SESTD1: variants seen among roughly 807,000 people sequenced by gnomAD.
The protein encoded by SESTD1 is SEC14 and spectrin domain containing 1.
SESTD1 carries 43 observed loss-of-function variants against 101.7 expected under a neutral mutation model. The ratio of observed to expected loss-of-function variants is 0.42; its 90% CI spans 0.33 to 0.55. The LOEUF (loss-of-function observed/expected upper bound fraction) is 0.55, where lower values mean the gene tolerates loss of function less well. Ranked by LOEUF, SESTD1 falls within the 20% of genes least tolerant of loss-of-function variation. SESTD1 has a pLI of 0.07. For missense variants in SESTD1, 647 were observed against 815.1 expected (o/e 0.79, Z 2.51); for synonymous variants, 283 against 286.8 (o/e 0.99, Z 0.13).
intron 1 of SESTD1, among the ~76,000 whole-genome samples, chr2:179,232,929 T>C (rs76286184): frequency 0.092 from 14,065 of 152,202 alleles, 2,140 homozygotes; most frequent in African/African-American, 0.32. Flanking sequence ...GGAGAAGTGG[T>C]AGAAAAGATG....
At chr2:179,185,493 ATATAT>A (rs927644246) in intron 2 of SESTD1, among the ~76,000 whole-genome samples, 28 of 140,826 alleles carry the variant, frequency 2.0e-4, no homozygotes, top group Admixed American at 1.5e-3. Context: ...TATATACAAT[ATATAT>A]TATATCGTAT....
At chr2:179,247,856 G>A (rs560156429) in intron 1 of SESTD1, among the ~76,000 whole-genome samples, 1 of 152,126 alleles carries the variant, frequency 6.6e-6, no homozygotes, top group Admixed American at 6.5e-5. Flanking sequence ...CAAACAGGAA[G>A]TCTCAAGGAA....
chr2:179,109,867 T>C lies in SESTD1; in HGVS notation c.*32A>G. 6.2e-7 allele frequency: 1 copy of C among 1,611,342 alleles called. No individual in the cohort carries two copies. Among genetic ancestry groups the C allele is most frequent in the Non-Finnish European group, 8.5e-7 (1 of 1,178,618 alleles). On this transcript the variant is annotated 3_prime_UTR_variant, in exon 18 of 18. Coordinates refer to ENST00000428443, the MANE Select transcript of SESTD1 (RefSeq NM_178123.5). The stretch of plus-strand genomic sequence containing the variant: ...AGTATGTTGACAACATGCGGGATTA[T>C]GAACTGCAAATCTGTAGGTAGCTGG...
chr2:179,252,158 T>C (rs1253117395), intron 1 of SESTD1, among the ~76,000 whole-genome samples: 4 of 152,216 alleles, frequency 2.6e-5, no homozygotes, highest in Non-Finnish European at 5.9e-5. Flanking sequence ...ACAGAAACTG[T>C]TATGTTCAGA....
At chr2:179,257,117 G>GT (rs552991830) in intron 1 of SESTD1, among the ~76,000 whole-genome samples, 23 of 148,034 alleles carry the variant, frequency 1.6e-4, no homozygotes, top group African/African-American at 2.5e-4. Flanking sequence ...GTGGGTTGTT[G>GT]TTTTTTTTTC....
intron 13 of SESTD1, among the ~76,000 whole-genome samples, chr2:179,118,761 A>G (rs561845213): frequency 2.4e-4 from 37 of 152,332 alleles, no homozygotes; most frequent in African/African-American, 7.2e-4. Flanking sequence ...TGGGGAAAAT[A>G]TAAGATATGG....
chr2:179,182,139 G>A (rs1234963463), intron 3 of SESTD1, among the ~76,000 whole-genome samples: 1 of 152,082 alleles, frequency 6.6e-6, no homozygotes, highest in East Asian at 1.9e-4. Context: ...GCAAATACAG[G>A]AAAAACATAC....
intron 1 of SESTD1, among the ~76,000 whole-genome samples, chr2:179,254,662 TATCA>T (rs1363396266): frequency 6.6e-6 from 1 of 152,238 alleles, no homozygotes; most frequent in Non-Finnish European, 1.5e-5. Flanking sequence ...CAGTCTTCAC[TATCA>T]ATCAAAGCTA....
chr2:179,111,786 C>T (rs1162188950), intron 17 of SESTD1, among the ~76,000 whole-genome samples: 2 of 145,332 alleles, frequency 1.4e-5, no homozygotes, highest in Non-Finnish European at 3.0e-5. Flanking sequence ...GTGGCGTGAT[C>T]TCGGCTCACT....
Position 179,176,432 on chromosome 2 carries a change from A to G in SESTD1, c.255+16T>C. The stretch of plus-strand genomic sequence containing the variant: ...TAAAATAAAAACCATTTCCTGATAG[A>G]CAAAACCAAAATTACCTGTAGCATT... On this transcript the variant is annotated intron_variant, in intron 4 of 17. Transcript: ENST00000428443. The G allele has an allele frequency of 6.2e-7, 1 of 1,606,900 alleles. No individual in the cohort carries two copies. The highest frequency in any genetic ancestry group is 8.5e-7 in the Non-Finnish European group (1 of 1,174,890).
chr2:179,188,964 G>A (rs1269447456), intron 2 of SESTD1, among the ~76,000 whole-genome samples: 2 of 152,002 alleles, frequency 1.3e-5, no homozygotes, highest in Non-Finnish European at 2.9e-5. Flanking sequence ...AAAAAGCCCT[G>A]GACTAGATGG....
intron 5 of SESTD1, among the ~76,000 whole-genome samples, chr2:179,158,216 T>C (rs1054559908): frequency 6.6e-6 from 1 of 152,214 alleles, no homozygotes; most frequent in Non-Finnish European, 1.5e-5. Flanking sequence ...TTATCTATGA[T>C]GTTTCTTTAA....
chr2:179,199,509 G>A (rs905600704), intron 1 of SESTD1, among the ~76,000 whole-genome samples: 31 of 152,140 alleles, frequency 2.0e-4, no homozygotes, highest in Non-Finnish European at 3.7e-4. Context: ...TCAAAAAAGA[G>A]AATTTTAGAC....
At position 179,109,936 on chromosome 2, in the gene SESTD1, T is replaced by C. The variant is rs376192617; in HGVS notation, c.2054A>G (p.Gln685Arg). Residue 685 changes from glutamine (Q) to arginine (R), a missense_variant, in exon 18 of 18, where the codon CAG becomes CGG. Coordinates refer to ENST00000428443, the MANE Select transcript of SESTD1 (RefSeq NM_178123.5). ...GGTCACCATTTCAGGATGTCTCAGC[T>C]GCTGCCTTTTGAGATTAACTAGTTT... ...RMKLVNLKRQ[Q>R]LRHPEMVTTE... 10 of 1,613,930 alleles carry C rather than the reference T, an allele frequency of 6.2e-6. No individual in the cohort carries two copies. Among genetic ancestry groups the C allele is most frequent in the Non-Finnish European group, 5.9e-6 (7 of 1,179,950 alleles).
At chr2:179,175,561 C>T (rs1037641034) in intron 4 of SESTD1, among the ~76,000 whole-genome samples, 4 of 152,130 alleles carry the variant, frequency 2.6e-5, no homozygotes, top group African/African-American at 9.7e-5. Context: ...GTATTTGCTT[C>T]ATTATGAGCT....
intron 2 of SESTD1, among the ~76,000 whole-genome samples, chr2:179,185,442 T>C (rs1255111191): frequency 7.0e-6 from 1 of 143,866 alleles, no homozygotes; most frequent in Non-Finnish European, 1.5e-5. Flanking sequence ...TATTGTATAA[T>C]AGTAATATAT....
At position 179,132,355 on chromosome 2, in the gene SESTD1, C is replaced by G. The variant is rs763816079; in HGVS notation, c.921G>C (p.Arg307Ser). The part of the protein sequence containing the change: ...RAQWGIGDSI[R>S]ASQALQQKHE... ...GTTTCTGCTGTAGGGCCTGGGAGGC[C>G]CTAATGGAGTCTCCAATGCCCCACT... The change falls in exon 10 of 18, where the codon AGG becomes AGC. Residue 307 changes from arginine (R) to serine (S), a missense_variant. Physicochemically the swap from Arg to Ser is moderately radical, Grantham distance 110. Coordinates refer to ENST00000428443, the MANE Select transcript of SESTD1 (RefSeq NM_178123.5). 1 of 1,569,690 alleles carries G rather than the reference C, an allele frequency of 6.4e-7. No individual in the cohort carries two copies. Among genetic ancestry groups the G allele is most frequent in the Non-Finnish European group, 8.6e-7 (1 of 1,166,570 alleles).
chr2:179,229,111 G>A (rs145681518), intron 1 of SESTD1, among the ~76,000 whole-genome samples: 2,484 of 152,256 alleles, frequency 0.016, 33 homozygotes, highest in Non-Finnish European at 0.028. Flanking sequence ...AGGGTGTGAT[G>A]GTAAATTTCA....
intron 17 of SESTD1, among the ~76,000 whole-genome samples, chr2:179,110,339 GCA>G (rs2044480479): frequency 6.6e-6 from 1 of 152,158 alleles, no homozygotes; most frequent in African/African-American, 2.4e-5. Flanking sequence ...CCAGAAGGAT[GCA>G]CAAACATAAA....
Sources: allele counts gnomAD v4.1 joint callset (sites outside exome capture counted in the v4.1 genomes callset), GRCh38; gene constraint gnomAD v4.1.1; transcripts MANE v1.5; gene names NCBI Gene and HGNC (gene_info 2026-07-23, HGNC 2026-07-21).